POC5: variants seen among roughly 807,000 people sequenced by gnomAD.
POC5 encodes centrosomal protein POC5.
Under a neutral mutation model 62.9 loss-of-function variants are expected in POC5, and 48 were observed. The ratio of observed to expected loss-of-function variants is 0.76; its 90% CI spans 0.61 to 0.97. The LOEUF (loss-of-function observed/expected upper bound fraction) is 0.97, where lower values mean the gene tolerates loss of function less well. Ranked by LOEUF, POC5 falls within the 50% of genes least tolerant of loss-of-function variation. POC5 has a pLI of 0.00. For synonymous variants in POC5, 236 were observed against 228.2 expected (o/e 1.03, Z -0.31); for missense variants, 696 against 679.5 (o/e 1.02, Z -0.27).
At chr5:75,700,328 G>T (rs1481773881) in intron 5 of POC5, among the ~76,000 whole-genome samples, 1 of 151,072 alleles carries the variant, frequency 6.6e-6, no homozygotes, top group Non-Finnish European at 1.5e-5. Flanking sequence ...ATACTACAAG[G>T]CTACAGTAAC....
intron 11 of POC5, among the ~76,000 whole-genome samples, chr5:75,675,980 T>G (rs1775634243): frequency 6.6e-6 from 1 of 152,236 alleles, no homozygotes; most frequent in Non-Finnish European, 1.5e-5. Flanking sequence ...CCACTGTGTC[T>G]GTCACATAAT....
intron 9 of POC5, among the ~76,000 whole-genome samples, chr5:75,688,373 C>G (rs1776182843): frequency 1.3e-5 from 2 of 152,290 alleles, no homozygotes; most frequent in African/African-American, 4.8e-5. Context: ...GAGAAGAAAT[C>G]TAAGGCCGAA....
Position 75,674,500 on chromosome 5 carries a change from G to GTGA in POC5, c.1660_1662dup (p.Ser554dup), listed in dbSNP as rs765195618. 3.1e-6 allele frequency: 5 copies of GTGA among 1,613,988 alleles called. No individual in the cohort carries two copies. The East Asian group carries it at 1.1e-4, about 36-fold the overall frequency. Reference sequence around the variant, plus strand: ...TGGGTGTGAGCTGATCTGGTTCCAAGTGATCTGGAAGCTGAGGTACTACTT... The same window carrying GTGA: ...TGGGTGTGAGCTGATCTGGTTCCAAGTGATGATCTGGAAGCTGAGGTACTACTT... On this transcript the variant is annotated inframe_insertion, in exon 12 of 12. Coordinates refer to ENST00000428202, the MANE Select transcript of POC5 (RefSeq NM_001099271.2).
At position 75,692,458 on chromosome 5, in the gene POC5, T is replaced by C. The variant is rs1172084582; in HGVS notation, c.733A>G (p.Lys245Glu). The C allele has an allele frequency of 6.2e-7, 1 of 1,603,142 alleles. No individual in the cohort carries two copies. The highest frequency in any genetic ancestry group is 8.5e-7 in the Non-Finnish European group (1 of 1,174,590). Residue 245 changes from lysine (K) to glutamate (E), a missense_variant, in exon 7 of 12, where the codon AAG (lysine) becomes GAG (glutamate). Transcript: ENST00000428202. ...LSHAIGKQKE[K>E]IELMRTFFHW... ...AAGAATGTTCTCATCAACTCTATCT[T>C]TTCCTTTTGCTTGCCTATGGCATGA...
intron 5 of POC5, among the ~76,000 whole-genome samples, chr5:75,701,473 A>G (rs1776877538): frequency 7.2e-6 from 1 of 139,588 alleles, no homozygotes; most frequent in Non-Finnish European, 1.6e-5. Flanking sequence ...CGCAAGAACA[A>G]AAAACCCAAC....
At chr5:75,675,867 C>A (rs1164360220) in intron 11 of POC5, among the ~76,000 whole-genome samples, 1 of 152,216 alleles carries the variant, frequency 6.6e-6, no homozygotes, top group Non-Finnish European at 1.5e-5. Flanking sequence ...GCAGATGAGG[C>A]TACAGTGTCA....
rs1260995479 is a variant in POC5 at position 75,685,498 on chromosome 5, A to G, written c.1130-14T>C. On this transcript the variant is annotated splice_polypyrimidine_tract_variant and intron_variant, in intron 9 of 11. Transcript: ENST00000428202. The stretch of plus-strand genomic sequence containing the variant: ...TGGAGTCTATCCCTATAAATCACAA[A>G]TTAATTCCATTCAAATTCTTCCAGG... 6.3e-7 allele frequency: 1 copy of G among 1,590,958 alleles called. No individual in the cohort carries two copies. Among genetic ancestry groups the G allele is most frequent in the Non-Finnish European group, 8.6e-7 (1 of 1,162,532 alleles).
chr5:75,680,404 G>A (rs60739092), intron 10 of POC5, among the ~76,000 whole-genome samples: 9,316 of 152,026 alleles, frequency 0.061, 435 homozygotes, highest in East Asian at 0.27. Context: ...GCTCAGAATT[G>A]CTTTAGAATG....
At chr5:75,698,301 T>A (rs1055231213) in intron 5 of POC5, among the ~76,000 whole-genome samples, 118 of 150,694 alleles carry the variant, frequency 7.8e-4, no homozygotes, top group African/African-American at 2.8e-3. Flanking sequence ...ATTCCAAAAT[T>A]GACCACATAC....
At chr5:75,688,889 A>AT (rs1203899799) in intron 9 of POC5, 123 bp downstream of exon 9, 2 of 980,754 alleles carry the variant, frequency 2.0e-6, no homozygotes, top group African/African-American at 3.3e-5. Flanking sequence ...AGAATTAAGA[A>AT]TAGCAGCACC....
intron 5 of POC5, among the ~76,000 whole-genome samples, chr5:75,698,117 T>C (rs1463931092): frequency 1.4e-5 from 2 of 140,396 alleles, no homozygotes; most frequent in African/African-American, 5.2e-5. Flanking sequence ...ATATTAATAA[T>C]GGGAGACTTT....
chr5:75,708,017 G>T, intron 2 of POC5, 142 bp from the exon 3 acceptor site: 1 of 750,470 alleles, frequency 1.3e-6, no homozygotes, highest in Non-Finnish European at 2.0e-6. Context: ...CTTATTCCAA[G>T]CTTGAGTTCC....
intron 3 of POC5, among the ~76,000 whole-genome samples, chr5:75,706,137 T>C (rs183570140): frequency 6.6e-6 from 1 of 152,340 alleles, no homozygotes; most frequent in Admixed American, 6.5e-5. Context: ...AGAGGCCCGC[T>C]GCTTTTCACT....
In POC5 at chr5:75,694,806, T is replaced by G. The variant is rs542180628; in HGVS notation, c.539A>C (p.Lys180Thr). The G allele has an allele frequency of 1.2e-4, 181 of 1,560,176 alleles. 1 individual carries two copies. The South Asian group carries it at 1.4e-3, about 12-fold the overall frequency. ...LKTNIISELS[K>T]WRLNFIDWHR... ...CCAGTCAATAAAATTAAGTCTCCAT[T>G]TACTTAGTTCAGATATGATGTTTGT... is the stretch of plus-strand genomic sequence containing the variant. The change falls in exon 6 of 12, where the codon AAA becomes ACA. Residue 180 changes from lysine to threonine, a missense_variant. Transcript: ENST00000428202.
intron 1 of POC5, among the ~76,000 whole-genome samples, chr5:75,716,890 G>A (rs1023374175): frequency 1.3e-5 from 2 of 152,168 alleles, no homozygotes; most frequent in Non-Finnish European, 2.9e-5. Flanking sequence ...CTGCACTCAA[G>A]GAAAGGGGCG....
At chr5:75,691,373 C>G (rs1561468541) in intron 7 of POC5, among the ~76,000 whole-genome samples, 1 of 152,118 alleles carries the variant, frequency 6.6e-6, no homozygotes, top group Non-Finnish European at 1.5e-5. Context: ...ATCTCTAATC[C>G]AAAAATCTGA....
chr5:75,700,321 C>T (rs1776813569), intron 5 of POC5, among the ~76,000 whole-genome samples: 1 of 151,180 alleles, frequency 6.6e-6, no homozygotes, highest in Non-Finnish European at 1.5e-5. Context: ...TCAAACTATA[C>T]TACAAGGCTA....
intron 8 of POC5, 90 bp downstream of exon 8, chr5:75,690,293 G>T (rs1776272690): frequency 1.6e-6 from 2 of 1,218,350 alleles, no homozygotes; most frequent in Non-Finnish European, 1.1e-6. Context: ...CTTGATTAAA[G>T]ACCAAAAGAA....
At chr5:75,679,506 T>C (rs1250743686) in intron 10 of POC5, among the ~76,000 whole-genome samples, 1 of 152,154 alleles carries the variant, frequency 6.6e-6, no homozygotes, top group Non-Finnish European at 1.5e-5. Flanking sequence ...TGACAGAGTA[T>C]TGATGTTTTT....
Sources: allele counts gnomAD v4.1 joint callset (sites outside exome capture counted in the v4.1 genomes callset), GRCh38; gene constraint gnomAD v4.1.1; transcripts MANE v1.5; gene names NCBI Gene and HGNC (gene_info 2026-07-23, HGNC 2026-07-21).